The following COL23A1 variants were observed in gnomAD, a reference collection of about 807,000 sequenced individuals.
COL23A1 encodes the protein collagen type XXIII alpha 1 chain, also known as collagen alpha-1(XXIII) chain.
Under a neutral mutation model 99.3 loss-of-function variants are expected in COL23A1, and 97 were observed. That is an observed-to-expected ratio of 0.98 (90% CI 0.83 to 1.16). The LOEUF (loss-of-function observed/expected upper bound fraction) is 1.16, where lower values mean the gene tolerates loss of function less well. Ranked by LOEUF, COL23A1 falls within the 50% of genes most tolerant of loss-of-function variation. The pLI, the probability that COL23A1 is intolerant of heterozygous loss-of-function variation, is 0.00. For synonymous variants in COL23A1, 320 were observed against 308.2 expected, an observed-to-expected ratio of 1.04 and a Z score of -0.40; for missense variants, 762 against 757.4, an observed-to-expected ratio of 1.01 and a Z score of -0.07.
At position 178,442,056 on chromosome 5, in the gene COL23A1, T is replaced by A. The variant is rs1766898345; in HGVS notation, c.361+118626A>T. Among the ~76,000 whole-genome samples, 3 of 152,222 alleles carry A rather than the reference T, an allele frequency of 2.0e-5. No homozygotes were observed. The South Asian group carries it at 6.2e-4, about 32-fold the overall frequency. Reference sequence around the variant, plus strand: ...GTCCCCACCCACGGGCCTGGCCCTCTGGGACGTCCAACTGAGAAACCACGC... The same window carrying A: ...GTCCCCACCCACGGGCCTGGCCCTCAGGGACGTCCAACTGAGAAACCACGC... On this transcript the variant is annotated intron_variant, in intron 2 of 28. Transcript: ENST00000390654.
chr5:178,463,602 C>T (rs1258318150), intron 2 of COL23A1, among the ~76,000 whole-genome samples: 2 of 152,166 alleles, frequency 1.3e-5, no homozygotes, highest in Non-Finnish European at 2.9e-5. Context: ...TCTGCTTTGC[C>T]GATGAGGATG....
intron 8 of COL23A1, chr5:178,265,687 C>T: frequency 1.0e-6 from 1 of 985,888 alleles, no homozygotes; most frequent in Non-Finnish European, 1.2e-6. Flanking sequence ...AGGTGATGGT[C>T]TCTACTTATA....
intron 2 of COL23A1, among the ~76,000 whole-genome samples, chr5:178,542,616 A>G (rs749233088): frequency 6.6e-6 from 1 of 152,148 alleles, no homozygotes; most frequent in African/African-American, 2.4e-5. Context: ...ACTGGTGTGG[A>G]AAGAAATGTG....
intron 1 of COL23A1, among the ~76,000 whole-genome samples, chr5:178,585,377 G>C (rs563405605): frequency 1.3e-5 from 2 of 151,540 alleles, no homozygotes; most frequent in Non-Finnish European, 2.9e-5. Context: ...GCTGACTCTA[G>C]GGTAACACTC....
At chr5:178,442,344 A>G (rs557199051) in intron 2 of COL23A1, among the ~76,000 whole-genome samples, 4 of 152,246 alleles carry the variant, frequency 2.6e-5, no homozygotes, top group African/African-American at 9.6e-5. Flanking sequence ...CAGGTTTGCA[A>G]ATTGAGATGG....
intron 2 of COL23A1, among the ~76,000 whole-genome samples, chr5:178,436,811 A>G (rs910912011): frequency 1.3e-4 from 20 of 151,954 alleles, no homozygotes; most frequent in African/African-American, 4.1e-4. Context: ...GGCTTGGTAA[A>G]AACTCTTGAG....
chr5:178,552,917 C>T (rs1193904691), intron 2 of COL23A1, among the ~76,000 whole-genome samples: 4 of 152,012 alleles, frequency 2.6e-5, no homozygotes, highest in Admixed American at 6.6e-5. Flanking sequence ...ACCATGTTGG[C>T]CAGGATGGTC....
intron 16 of COL23A1, 50 bp from the exon 17 acceptor site, chr5:178,252,647 C>A: frequency 6.7e-7 from 1 of 1,500,810 alleles, no homozygotes; most frequent in East Asian, 2.4e-5. Flanking sequence ...GCAGGGCCTC[C>A]CTTCGCTACC....
intron 2 of COL23A1, among the ~76,000 whole-genome samples, chr5:178,424,309 G>T (rs1419065907): frequency 6.6e-6 from 1 of 152,222 alleles, no homozygotes; most frequent in African/African-American, 2.4e-5. Context: ...CATCTTCGCC[G>T]CATTGGGCAT....
chr5:178,256,975 G>T (rs759098172), intron 13 of COL23A1, 47 bp from the exon 14 acceptor site: 33 of 1,587,750 alleles, frequency 2.1e-5, no homozygotes, highest in Non-Finnish European at 2.8e-5. Context: ...GACGGCACGT[G>T]GCGGGTGCCT....
chr5:178,503,139 T>C (rs556079349), intron 2 of COL23A1, among the ~76,000 whole-genome samples: 15 of 152,316 alleles, frequency 9.8e-5, no homozygotes, highest in Admixed American at 6.5e-4. Context: ...CCCAGCACTT[T>C]GGGAGGCCGA....
At chr5:178,471,953 A>G (rs1756776222) in intron 2 of COL23A1, among the ~76,000 whole-genome samples, 2 of 152,056 alleles carry the variant, frequency 1.3e-5, no homozygotes, top group African/African-American at 4.8e-5. Flanking sequence ...TCTTCTTTCA[A>G]GCAGTTGTCT....
chr5:178,360,363 G>A (rs1425474434), intron 2 of COL23A1, among the ~76,000 whole-genome samples: 1 of 152,200 alleles, frequency 6.6e-6, no homozygotes, highest in Non-Finnish European at 1.5e-5. Flanking sequence ...TTTCCCAGCG[G>A]GGACAGGTCA....
chr5:178,352,068 T>A (rs1329501573), intron 2 of COL23A1: 1 of 152,254 alleles, frequency 6.6e-6, no homozygotes, highest in South Asian at 2.1e-4. Flanking sequence ...GATTTTGTTG[T>A]GGCAGCCCTA....
At chr5:178,358,713 G>GTA (rs1762003896) in intron 2 of COL23A1, among the ~76,000 whole-genome samples, 3 of 145,270 alleles carry the variant, frequency 2.1e-5, no homozygotes, top group African/African-American at 5.3e-5. Context: ...ATGTGTGTAT[G>GTA]TGTGTATGTG....
chr5:178,431,704 A>G (rs1333437407), intron 2 of COL23A1, among the ~76,000 whole-genome samples: 2 of 152,240 alleles, frequency 1.3e-5, no homozygotes, highest in Non-Finnish European at 2.9e-5. Flanking sequence ...CCCTGCCACC[A>G]TCTTGATTTC....
chr5:178,494,456 C>T (rs1758094266), intron 2 of COL23A1, among the ~76,000 whole-genome samples: 1 of 152,198 alleles, frequency 6.6e-6, no homozygotes, highest in Non-Finnish European at 1.5e-5. Context: ...GCAGGCGGAT[C>T]ACCTGAGGTC....
intron 2 of COL23A1, among the ~76,000 whole-genome samples, chr5:178,472,888 G>A (rs893709526): frequency 6.6e-6 from 1 of 152,166 alleles, no homozygotes; most frequent in African/African-American, 2.4e-5. Flanking sequence ...ACTTTGGGAG[G>A]CTGAGGCAGA....
At chr5:178,249,058 C>G (rs923457901) in intron 19 of COL23A1, 59 bp downstream of exon 19, 2 of 1,557,576 alleles carry the variant, frequency 1.3e-6, no homozygotes, top group Non-Finnish European at 1.8e-6. Context: ...GGGGGGCACA[C>G]AGTCACCTCA....
Sources: allele counts gnomAD v4.1 joint callset (sites outside exome capture counted in the v4.1 genomes callset), GRCh38; gene constraint gnomAD v4.1.1; transcripts MANE v1.5; gene names NCBI Gene and HGNC (gene_info 2026-07-23, HGNC 2026-07-21).